The following ATF2 variants were observed in gnomAD, a reference collection of about 807,000 sequenced individuals.
ATF2 encodes the protein cyclic AMP-dependent transcription factor ATF-2.
A neutral mutation model predicts 60.6 loss-of-function variants in ATF2; 24 were observed. The observed-to-expected ratio is 0.40, with a 90% CI of 0.29 to 0.56. The LOEUF is 0.56. ATF2 is among the 20% of genes least tolerant of loss of function. The probability of loss-of-function intolerance (pLI) is 0.54; values close to 1 mark genes in which losing one functional copy is unlikely to be tolerated. For synonymous variants in ATF2, 206 were observed against 215.4 expected (o/e 0.96, Z 0.38); for missense variants, 433 against 607.7 (o/e 0.71, Z 3.02).
At chr2:175,140,482 G>A (rs1698427093) in intron 2 of ATF2, among the ~76,000 whole-genome samples, 1 of 152,144 alleles carries the variant, frequency 6.6e-6, no homozygotes, top group Admixed American at 6.5e-5. Flanking sequence ...AGGGACAGGA[G>A]TAGAAGGAGT....
At chr2:175,078,305 TTGA>T (rs1693512749) in intron 13 of ATF2, among the ~76,000 whole-genome samples, 1 of 140,454 alleles carries the variant, frequency 7.1e-6, no homozygotes, top group African/African-American at 3.3e-5. Context: ...GTATTTGTGG[TTGA>T]TTAGTCCCCA....
chr2:175,146,590 T>C (rs937301984), intron 2 of ATF2, among the ~76,000 whole-genome samples: 2 of 151,468 alleles, frequency 1.3e-5, no homozygotes, highest in African/African-American at 4.9e-5. Flanking sequence ...AGCTTCACTT[T>C]CCATGGTTTC....
chr2:175,081,274 C>T (rs777838812), intron 12 of ATF2, among the ~76,000 whole-genome samples: 1 of 152,130 alleles, frequency 6.6e-6, no homozygotes, highest in Non-Finnish European at 1.5e-5. Context: ...AAATTCACTG[C>T]AAGGCACTCT....
intron 2 of ATF2, among the ~76,000 whole-genome samples, chr2:175,144,311 C>T (rs1186896001): frequency 6.6e-6 from 1 of 152,140 alleles, no homozygotes. Flanking sequence ...ATTTCTCCTG[C>T]TATTTTACGA....
Position 175,097,498 on chromosome 2 carries a change from C to T in ATF2, c.924G>A (p.Glu308=). ...HGSGLVRTQS[E]ESRPQSLQQP... Reference sequence around the variant, plus strand: ...GTTGTAATGACTGCGGTCGAGATTCCTCTGACTGAGTCCTAACCAATCCGC... The same window carrying T: ...GTTGTAATGACTGCGGTCGAGATTCTTCTGACTGAGTCCTAACCAATCCGC... Residue 308 remains glutamate, a synonymous_variant, in exon 11 of 14, where the codon GAG becomes GAA. Transcript: ENST00000264110. 6.2e-7 allele frequency: 1 copy of T among 1,614,096 alleles called. No individual in the cohort carries two copies. The highest frequency in any genetic ancestry group is 1.3e-5 in the African/African-American group (1 of 75,024).
chr2:175,108,310 C>A (rs550413897), intron 10 of ATF2, among the ~76,000 whole-genome samples: 20 of 151,898 alleles, frequency 1.3e-4, no homozygotes, highest in African/African-American at 4.3e-4. Flanking sequence ...CCACCCCGTC[C>A]GGGAGGGAGG....
intron 10 of ATF2, among the ~76,000 whole-genome samples, chr2:175,105,626 C>G (rs565950747): frequency 6.6e-6 from 1 of 152,096 alleles, no homozygotes; most frequent in Non-Finnish European, 1.5e-5. Flanking sequence ...CAAAAAAATT[C>G]AAGTAACCAG....
intron 1 of ATF2, among the ~76,000 whole-genome samples, chr2:175,159,755 T>C (rs889116786): frequency 1.2e-4 from 19 of 152,196 alleles, no homozygotes; most frequent in Non-Finnish European, 2.2e-4. Flanking sequence ...GTTTTATAGT[T>C]TAAAATTATA....
chr2:175,167,390 A>G (rs1559135799), intron 1 of ATF2, among the ~76,000 whole-genome samples: 1 of 151,846 alleles, frequency 6.6e-6, no homozygotes, highest in East Asian at 1.9e-4. Flanking sequence ...CCCCACCGGG[A>G]AAAAGCTGGG....
chr2:175,095,043 T>C (rs1304546871), intron 11 of ATF2, among the ~76,000 whole-genome samples: 5 of 152,208 alleles, frequency 3.3e-5, no homozygotes, highest in African/African-American at 7.2e-5. Flanking sequence ...AATATTTCTA[T>C]GGCTGGCTTC....
At chr2:175,081,442 A>G (rs1207334559) in intron 12 of ATF2, among the ~76,000 whole-genome samples, 1 of 152,210 alleles carries the variant, frequency 6.6e-6, no homozygotes, top group African/African-American at 2.4e-5. Context: ...TTTGGGATAC[A>G]TTAATCTGGT....
At chr2:175,105,955 A>G (rs1202373727) in intron 10 of ATF2, among the ~76,000 whole-genome samples, 2 of 152,230 alleles carry the variant, frequency 1.3e-5, no homozygotes, top group Non-Finnish European at 2.9e-5. Context: ...AAAGTATAGC[A>G]TATCAAAATT....
At chr2:175,143,686 A>T (rs1031870000) in intron 2 of ATF2, among the ~76,000 whole-genome samples, 9 of 151,988 alleles carry the variant, frequency 5.9e-5, no homozygotes, top group African/African-American at 2.2e-4. Context: ...TCATATTAGT[A>T]AAAAAAACTA....
intron 1 of ATF2, among the ~76,000 whole-genome samples, chr2:175,161,501 T>C (rs935418070): frequency 6.6e-6 from 1 of 152,146 alleles, no homozygotes; most frequent in Non-Finnish European, 1.5e-5. Flanking sequence ...GGCAGAGAGG[T>C]TATATAATTT....
At chr2:175,080,447 T>C in intron 13 of ATF2, 1 of 369,096 alleles carries the variant, frequency 2.7e-6, no homozygotes. Context: ...ATAGTAACGC[T>C]TAGGAAAAAA....
chr2:175,103,896 T>C (rs142472926), intron 10 of ATF2, among the ~76,000 whole-genome samples: 133 of 152,274 alleles, frequency 8.7e-4, no homozygotes, highest in Non-Finnish European at 1.1e-3. Flanking sequence ...TCTAATTCTG[T>C]AGAAAATTAT....
rs186886953 is a variant in ATF2, at chr2:175,078,578, C to T, written c.1291+2082G>A. 7.6e-4 allele frequency among the ~76,000 whole-genome samples: 115 copies of T among 152,206 alleles called. No individual in the cohort carries two copies. In the South Asian group the frequency reaches 0.012, roughly 16 times the overall value. Reference sequence around the variant, plus strand: ...TAGGACTTTCAGTGCTAAAACTGGGCGGGACAGACCCTATGGCTGTGACTT... The same window carrying T: ...TAGGACTTTCAGTGCTAAAACTGGGTGGGACAGACCCTATGGCTGTGACTT... On this transcript the variant is annotated intron_variant, in intron 13 of 13. Coordinates refer to ENST00000264110, the MANE Select transcript of ATF2 (RefSeq NM_001880.4).
chr2:175,164,819 A>G (rs1213250965), intron 1 of ATF2, among the ~76,000 whole-genome samples: 3 of 152,218 alleles, frequency 2.0e-5, no homozygotes, highest in Non-Finnish European at 4.4e-5. Context: ...GAAATACTAA[A>G]TTAAACTCCA....
At chr2:175,117,515 GC>G (rs1391834161) in intron 7 of ATF2, among the ~76,000 whole-genome samples, 4 of 151,924 alleles carry the variant, frequency 2.6e-5, no homozygotes, top group Admixed American at 2.0e-4. Flanking sequence ...CACAACTGTA[GC>G]CCAGGTGGTC....
Sources: gnomAD v4.1 joint callset for allele counts (sites outside exome capture counted in the v4.1 genomes callset) on GRCh38, gnomAD v4.1.1 for gene constraint, MANE v1.5 for transcripts, NCBI Gene and HGNC (gene_info 2026-07-23, HGNC 2026-07-21) for gene names.